Variants in STXBP5L observed in about 807,000 individuals in gnomAD.
STXBP5L encodes syntaxin-binding protein 5-like.
A neutral mutation model predicts 144.5 loss-of-function variants in STXBP5L; 65 were observed. The observed-to-expected ratio is 0.45, with a 90% CI of 0.37 to 0.55. STXBP5L has a LOEUF of 0.55. STXBP5L is among the 20% of genes least tolerant of loss of function. The pLI, the probability that STXBP5L is intolerant of heterozygous loss-of-function variation, is 0.00. For synonymous variants in STXBP5L, 505 were observed against 469.6 expected (o/e 1.08, Z -0.97); for missense variants, 1,298 against 1,405.5 (o/e 0.92, Z 1.22).
At chr3:120,954,906 T>C (rs747797912) in intron 2 of STXBP5L, 34 bp from the exon 3 acceptor site, 3 of 1,560,794 alleles carry the variant, frequency 1.9e-6, no homozygotes, top group Admixed American at 3.5e-5. Context: ...TTTATTTCCC[T>C]AGAGACTTAT....
At chr3:121,139,261 G>T (rs532997491) in intron 7 of STXBP5L, among the ~76,000 whole-genome samples, 10 of 151,992 alleles carry the variant, frequency 6.6e-5, no homozygotes, top group Non-Finnish European at 1.3e-4. Flanking sequence ...ACAAATAAAT[G>T]ATGAATATTT....
At chr3:121,251,824 T>C (rs944644104) in intron 15 of STXBP5L, among the ~76,000 whole-genome samples, 3 of 152,132 alleles carry the variant, frequency 2.0e-5, no homozygotes, top group Non-Finnish European at 1.5e-5. Context: ...TAGAGTCCCT[T>C]GAGCAAGCAA....
intron 5 of STXBP5L, among the ~76,000 whole-genome samples, chr3:121,047,796 A>T (rs1048712756): frequency 6.6e-6 from 1 of 152,132 alleles, no homozygotes; most frequent in Non-Finnish European, 1.5e-5. Flanking sequence ...CTGCTTCTTT[A>T]TACAGCTTGC....
chr3:121,397,022 G>A (rs1276888905), intron 22 of STXBP5L, among the ~76,000 whole-genome samples: 1 of 152,202 alleles, frequency 6.6e-6, no homozygotes, highest in Non-Finnish European at 1.5e-5. Context: ...ACAGCTACAA[G>A]CTCCGCTTTT....
intron 20 of STXBP5L, among the ~76,000 whole-genome samples, chr3:121,327,089 T>A (rs1286730323): frequency 6.6e-6 from 1 of 152,110 alleles, no homozygotes; most frequent in Non-Finnish European, 1.5e-5. Flanking sequence ...TGAGACTTAT[T>A]TGTAGCCAAT....
chr3:121,324,768 T>A (rs1212260581), intron 20 of STXBP5L, among the ~76,000 whole-genome samples: 1 of 152,112 alleles, frequency 6.6e-6, no homozygotes, highest in Non-Finnish European at 1.5e-5. Context: ...TCATGAGATA[T>A]GAATTAGGAA....
chr3:121,412,727 CAAAAAAAAAAAA>C (rs35247157), intron 23 of STXBP5L, among the ~76,000 whole-genome samples: 8 of 69,592 alleles, frequency 1.1e-4, no homozygotes, highest in Admixed American at 8.6e-4. Context: ...TTTCTCCCTC[CAAAAAAAAAAAA>C]AAAAAAAAAA....
chr3:121,110,870 G>C (rs1294590869), intron 5 of STXBP5L, among the ~76,000 whole-genome samples: 1 of 152,182 alleles, frequency 6.6e-6, no homozygotes, highest in Non-Finnish European at 1.5e-5. Flanking sequence ...ACTTCAACCA[G>C]TCAGAAGTTT....
intron 2 of STXBP5L, 57 bp downstream of exon 2, chr3:120,909,824 A>G (rs1708733517): frequency 6.7e-7 from 1 of 1,497,930 alleles, no homozygotes; most frequent in South Asian, 1.3e-5. Context: ...TTGTAAGGAA[A>G]CAAGGGGGGA....
At chr3:121,039,916 T>G (rs1273930189) in intron 3 of STXBP5L, among the ~76,000 whole-genome samples, 2 of 151,934 alleles carry the variant, frequency 1.3e-5, no homozygotes, top group Non-Finnish European at 2.9e-5. Context: ...CAATGAATTT[T>G]TTTAAAAAAA....
At chr3:121,116,084 T>A (rs2044219620) in intron 6 of STXBP5L, among the ~76,000 whole-genome samples, 2 of 152,132 alleles carry the variant, frequency 1.3e-5, no homozygotes. Context: ...CCAAACTATA[T>A]CACCATCTAT....
chr3:121,150,794 G>A (rs748664206), intron 7 of STXBP5L, among the ~76,000 whole-genome samples: 4 of 151,944 alleles, frequency 2.6e-5, no homozygotes, highest in Admixed American at 2.0e-4. Flanking sequence ...ACTCAATAAA[G>A]TTGGTTTTAT....
At chr3:121,004,357 T>A (rs1944071928) in intron 3 of STXBP5L, among the ~76,000 whole-genome samples, 1 of 151,850 alleles carries the variant, frequency 6.6e-6, no homozygotes, top group Non-Finnish European at 1.5e-5. Context: ...TGTTTGTCTG[T>A]TATTGGTGTA....
At chr3:121,144,822 G>C (rs2045653511) in intron 7 of STXBP5L, among the ~76,000 whole-genome samples, 2 of 151,894 alleles carry the variant, frequency 1.3e-5, no homozygotes, top group South Asian at 4.1e-4. Flanking sequence ...ATACTTTTCA[G>C]CCTTAATAAA....
chr3:121,334,072 G>T (rs1005794671), intron 20 of STXBP5L, among the ~76,000 whole-genome samples: 1 of 152,036 alleles, frequency 6.6e-6, no homozygotes, highest in Non-Finnish European at 1.5e-5. Flanking sequence ...AACCCCTTTT[G>T]CTTGGTTCTC....
At chr3:121,256,447 A>G (rs1211525054) in intron 16 of STXBP5L, among the ~76,000 whole-genome samples, 1 of 152,014 alleles carries the variant, frequency 6.6e-6, no homozygotes, top group Admixed American at 6.6e-5. Flanking sequence ...TTCATAAAGT[A>G]TTTAGTTTTA....
At position 121,085,925 on chromosome 3, in the gene STXBP5L, C is replaced by G. The variant is rs1439150368; in HGVS notation, c.471-29000C>G. The stretch of plus-strand genomic sequence containing the variant: ...ACCACACTGACTTCAAACTATACCA[C>G]AAGGCTACAGTAACCAAAACAACAT... On this transcript the variant is annotated intron_variant, in intron 5 of 26. Transcript: ENST00000471454. 2.0e-5 allele frequency among the ~76,000 whole-genome samples: 3 copies of G among 152,256 alleles called. No homozygotes were observed. In the East Asian group the frequency reaches 5.8e-4, roughly 29 times the overall value.
intron 9 of STXBP5L, among the ~76,000 whole-genome samples, chr3:121,183,268 G>T (rs2047230947): frequency 1.3e-5 from 2 of 152,140 alleles, no homozygotes; most frequent in South Asian, 4.1e-4. Flanking sequence ...CTTCTAGTCA[G>T]CATAATACCG....
At chr3:121,112,574 G>A (rs1308827554) in intron 5 of STXBP5L, among the ~76,000 whole-genome samples, 2 of 66,116 alleles carry the variant, frequency 3.0e-5, no homozygotes, top group East Asian at 7.9e-4. Context: ...TTCTCGGTGG[G>A]AGCCTTCGAC....
Sources: allele counts gnomAD v4.1 joint callset (sites outside exome capture counted in the v4.1 genomes callset), GRCh38; gene constraint gnomAD v4.1.1; transcripts MANE v1.5; gene names NCBI Gene and HGNC (gene_info 2026-07-23, HGNC 2026-07-21).